ACSM3: variants seen among roughly 807,000 people sequenced by gnomAD.
ACSM3 encodes acyl-coenzyme A synthetase ACSM3, mitochondrial.
Under a neutral mutation model 74.1 loss-of-function variants are expected in ACSM3, and 61 were observed. That is an observed-to-expected ratio of 0.82 (90% CI 0.67 to 1.02). The LOEUF is 1.02. Among genes scored for constraint, ACSM3 ranks in the 50% least tolerant of loss-of-function variants. The pLI is 0.00. For synonymous variants in ACSM3, 213 were observed against 241.5 expected (o/e 0.88, Z 1.09); for missense variants, 660 against 697.0 (o/e 0.95, Z 0.60).
intron 1 of ACSM3, among the ~76,000 whole-genome samples, chr16:20,739,715 G>A (rs1043695284): frequency 6.6e-6 from 1 of 151,882 alleles, no homozygotes; most frequent in Non-Finnish European, 1.5e-5. Context: ...CAGCTACTCA[G>A]GAGGCTGAGG....
At chr16:20,738,244 A>C in intron 1 of ACSM3, 1 of 494,126 alleles carries the variant, frequency 2.0e-6, no homozygotes, top group South Asian at 1.5e-5. Context: ...TGAGTTATCC[A>C]ACCGTAACAC....
intron 1 of ACSM3, among the ~76,000 whole-genome samples, chr16:20,717,004 A>G (rs1004712866): frequency 2.3e-4 from 35 of 152,210 alleles, no homozygotes; most frequent in Non-Finnish European, 3.8e-4. Flanking sequence ...TTATTATCTG[A>G]CAAATGAAAA....
At chr16:20,728,595 T>A (rs2079815133) in intron 1 of ACSM3, 2 of 449,372 alleles carry the variant, frequency 4.5e-6, no homozygotes, top group South Asian at 5.5e-5. Flanking sequence ...AAAATCTATT[T>A]CATCAGCAGT....
rs75941107 is a variant in ACSM3, at chr16:20,741,081, C to G, written c.-189-8829C>G. The stretch of plus-strand genomic sequence containing the variant: ...GGGTTTAGGACTACCCTGGGCCAAA[C>G]AGTGAGACCCCTTATCTACAATTTA... On this transcript the variant is annotated intron_variant, in intron 1 of 3. Coordinates refer to the ACSM3 transcript ENST00000561584. Among the ~76,000 whole-genome samples, 995 of 151,882 alleles carry G rather than the reference C, an allele frequency of 6.6e-3. 5 individuals carry two copies. The highest frequency in any genetic ancestry group is 0.011 in the Non-Finnish European group (718 of 67,986).
Position 20,792,258 on chromosome 16 carries a change from G to A in ACSM3, c.1477G>A (p.Val493Ile), listed in dbSNP as rs1313948823. ...TAGCTATCGAATTGGACCATTTGAG[G>A]TAGAAAATGCCCTGAATGAACACCC... Reference protein sequence around the residue: ...SSGYRIGPFEVENALNEHPSV... With the variant: ...SSGYRIGPFEIENALNEHPSV... Residue 493 changes from valine (V) to isoleucine (I), a missense_variant, in exon 12 of 14, where the codon GTA becomes ATA. Coordinates refer to ENST00000289416, the MANE Select transcript of ACSM3 (RefSeq NM_005622.4). 1.2e-6 allele frequency: 2 copies of A among 1,613,996 alleles called. No individual in the cohort carries two copies. The highest frequency in any genetic ancestry group is 1.3e-5 in the African/African-American group (1 of 74,920).
intron 1 of ACSM3, among the ~76,000 whole-genome samples, chr16:20,744,086 G>C (rs182300050): frequency 1.3e-5 from 2 of 152,014 alleles, no homozygotes; most frequent in African/African-American, 4.8e-5. Flanking sequence ...AAATTCAACC[G>C]GCCCAACACA....
chr16:20,789,349 G>A lies in ACSM3; in HGVS notation c.1225-1238G>A, dbSNP rs1200243539. 5.7e-6 allele frequency: 4 copies of A among 707,420 alleles called. No individual in the cohort carries two copies. The East Asian group carries it at 1.0e-4, about 18-fold the overall frequency. 43.8% of individuals were successfully genotyped at this position (707,420 alleles called of 1,614,324 possible). ...ACAGTGAGGAATAGGTACATGTCAA[G>A]TACTTAAAGGTTTAGCATTAATTAC... is the stretch of plus-strand genomic sequence containing the variant. On this transcript the variant is annotated intron_variant, in intron 9 of 13. Transcript: ENST00000289416.
upstream of ACSM3, among the ~76,000 whole-genome samples, chr16:20,761,938 C>G (rs2080080337): frequency 6.6e-6 from 1 of 152,206 alleles, no homozygotes; most frequent in Non-Finnish European, 1.5e-5. Context: ...CTCCCAAGTG[C>G]TGACAGGCCA....
upstream of ACSM3, among the ~76,000 whole-genome samples, chr16:20,761,786 T>G (rs34160924): frequency 0.13 from 20,205 of 152,152 alleles, 1,400 homozygotes; most frequent in East Asian, 0.21. Flanking sequence ...TGGGCAAGTG[T>G]GCTCAAGCAT....
intron 2 of ACSM3, among the ~76,000 whole-genome samples, chr16:20,775,503 A>G (rs1451158485): frequency 6.6e-6 from 1 of 152,136 alleles, no homozygotes; most frequent in Non-Finnish European, 1.5e-5. Context: ...GATCCTGGCC[A>G]GCTGCTCTTC....
intron 1 of ACSM3, chr16:20,682,260 C>A (rs374521725): frequency 6.2e-7 from 1 of 1,612,808 alleles, no homozygotes. Flanking sequence ...ACTCACTTAA[C>A]CAGCGATCGG....
intron 1 of ACSM3, among the ~76,000 whole-genome samples, chr16:20,708,779 T>C (rs772709071): frequency 2.0e-5 from 3 of 152,212 alleles, no homozygotes; most frequent in Non-Finnish European, 4.4e-5. Context: ...CTAAAATTCA[T>C]ATGGAACCAC....
intron 1 of ACSM3, among the ~76,000 whole-genome samples, chr16:20,701,995 A>G (rs969476325): frequency 6.6e-6 from 1 of 152,212 alleles, no homozygotes; most frequent in Non-Finnish European, 1.5e-5. Context: ...TAGTGCTGCA[A>G]TAAACATACA....
chr16:20,710,131 C>T (rs1482270938), intron 1 of ACSM3, among the ~76,000 whole-genome samples: 1 of 152,156 alleles, frequency 6.6e-6, no homozygotes, highest in African/African-American at 2.4e-5. Context: ...GACTTATCTC[C>T]AGCCAGTGTT....
rs1003648286 is a variant in ACSM3 at position 20,797,486 on chromosome 16, A to G, written c.*514A>G. 9.0e-7 allele frequency: 1 copy of G among 1,107,720 alleles called. No homozygotes were observed. The highest frequency in any genetic ancestry group is 4.4e-5 in the South Asian group (1 of 22,634). The allele number at this position is 1,107,720 out of a possible 1,614,324, so 68.6% of individuals were successfully genotyped here. ...CACATTTTTTGCAAATAATTTAAAA[A>G]TAGTTTAGACTTGTTTCAAGGTCTA... is the stretch of plus-strand genomic sequence containing the variant. On this transcript the variant is annotated 3_prime_UTR_variant, in exon 14 of 14. Coordinates refer to ENST00000289416, the MANE Select transcript of ACSM3 (RefSeq NM_005622.4).
intron 1 of ACSM3, chr16:20,738,945 C>T: frequency 6.2e-7 from 1 of 1,614,242 alleles, no homozygotes; most frequent in South Asian, 1.1e-5. Flanking sequence ...CCACTTTCCA[C>T]TGACTGGAAT....
intron 4 of ACSM3, chr16:20,779,772 T>A (rs1248696667): frequency 4.1e-5 from 3 of 72,454 alleles, no homozygotes; most frequent in African/African-American, 2.0e-4. Context: ...GTCAGCAAAC[T>A]TTTTTTTTTT....
At chr16:20,776,297 T>C (rs1349872794) in intron 3 of ACSM3, among the ~76,000 whole-genome samples, 1 of 152,188 alleles carries the variant, frequency 6.6e-6, no homozygotes, top group African/African-American at 2.4e-5. Context: ...AGAAAAGATA[T>C]TCTAAAGAAC....
chr16:20,700,620 C>T (rs961394705), intron 1 of ACSM3, among the ~76,000 whole-genome samples: 1 of 151,676 alleles, frequency 6.6e-6, no homozygotes, highest in Admixed American at 6.6e-5. Flanking sequence ...GTCAGAGACA[C>T]AAGCAGGAGA....
Sources: gnomAD v4.1 joint callset for allele counts (sites outside exome capture counted in the v4.1 genomes callset) on GRCh38, gnomAD v4.1.1 for gene constraint, MANE v1.5 for transcripts, NCBI Gene and HGNC (gene_info 2026-07-23, HGNC 2026-07-21) for gene names.